The following CISD1 variants were observed in gnomAD, a reference collection of about 807,000 sequenced individuals.
The protein encoded by CISD1 is CDGSH iron-sulfur domain-containing protein 1.
In CISD1, 8 loss-of-function variants were observed where a neutral mutation model predicts 12.0. The ratio of observed to expected loss-of-function variants is 0.67; its 90% CI spans 0.39 to 1.20. The LOEUF (loss-of-function observed/expected upper bound fraction) is 1.20. CISD1 is among the 50% of genes most tolerant of loss of function. The pLI, the probability that CISD1 is intolerant of heterozygous loss-of-function variation, is 0.01. For missense variants in CISD1, 107 were observed against 132.7 expected (o/e 0.81, Z 0.95); for synonymous variants, 38 against 42.2 (o/e 0.90, Z 0.39).
At chr10:58,270,976 TC>T (rs1271430047) in intron 1 of CISD1, among the ~76,000 whole-genome samples, 1 of 151,504 alleles carries the variant, frequency 6.6e-6, no homozygotes, top group Non-Finnish European at 1.5e-5. Context: ...CCATCCTTTC[TC>T]CTTGGTCCCC....
At chr10:58,273,124 T>A (rs1193213679) in intron 1 of CISD1, among the ~76,000 whole-genome samples, 1 of 152,094 alleles carries the variant, frequency 6.6e-6, no homozygotes, top group African/African-American at 2.4e-5. Flanking sequence ...AATATATGTA[T>A]CAGGGAGTAA....
chr10:58,279,338 C>CA (rs1206205505), intron 2 of CISD1, among the ~76,000 whole-genome samples: 1 of 151,832 alleles, frequency 6.6e-6, no homozygotes, highest in Admixed American at 6.6e-5. Context: ...ATCTGAAATC[C>CA]AAAACATTTT....
chr10:58,270,386 CT>C (rs981012028), intron 1 of CISD1, among the ~76,000 whole-genome samples: 2 of 152,090 alleles, frequency 1.3e-5, no homozygotes, highest in African/African-American at 4.8e-5. Context: ...CATCTTGAGA[CT>C]TTTTTTAATA....
rs939707206 is a variant in CISD1, at chr10:58,289,013, A to T, written c.*1363A>T. 6.6e-6 allele frequency: 1 copy of T among 152,236 alleles called. No individual in the cohort carries two copies. The highest frequency in any genetic ancestry group is 1.5e-5 in the Non-Finnish European group (1 of 67,938). The allele number at this position is 152,236 out of a possible 1,614,324, so 9.4% of individuals were successfully genotyped here. ...TATGTAGTTTTGTGTATTACTGTAG[A>T]TAAAAGTTGGTAACAAAATTGTACA... On this transcript the variant is annotated 3_prime_UTR_variant, in exon 3 of 3. Coordinates refer to ENST00000333926, the MANE Select transcript of CISD1 (RefSeq NM_018464.5).
At chr10:58,279,604 TTTGAAA>T (rs1303257171) in intron 2 of CISD1, among the ~76,000 whole-genome samples, 1 of 152,190 alleles carries the variant, frequency 6.6e-6, no homozygotes, top group Non-Finnish European at 1.5e-5. Context: ...TCATTTGGAA[TTTGAAA>T]TTGTTGATAA....
At chr10:58,281,580 A>G (rs1003924807) in intron 2 of CISD1, among the ~76,000 whole-genome samples, 2 of 152,250 alleles carry the variant, frequency 1.3e-5, no homozygotes, top group African/African-American at 4.8e-5. Context: ...GTTATCACAC[A>G]GGTGCCAAGT....
At chr10:58,273,324 A>T (rs1839270250) in intron 1 of CISD1, 1 of 152,120 alleles carries the variant, frequency 6.6e-6, no homozygotes, top group Non-Finnish European at 1.5e-5. Context: ...AAAAAAAAAA[A>T]TTACCAGGCA....
chr10:58,278,607 T>G (rs1839341151), intron 2 of CISD1, among the ~76,000 whole-genome samples: 1 of 152,126 alleles, frequency 6.6e-6, no homozygotes, highest in Admixed American at 6.5e-5. Flanking sequence ...ATAAAAATGA[T>G]GTATCTGTTT....
intron 1 of CISD1, among the ~76,000 whole-genome samples, chr10:58,272,711 G>A (rs746947340): frequency 6.6e-6 from 1 of 152,200 alleles, no homozygotes; most frequent in Non-Finnish European, 1.5e-5. Flanking sequence ...GAGGTCAGGA[G>A]TTCGAGACCA....
chr10:58,287,327 C>T (rs1839439245), intron 2 of CISD1, among the ~76,000 whole-genome samples: 2 of 152,056 alleles, frequency 1.3e-5, no homozygotes, highest in South Asian at 4.1e-4. Flanking sequence ...GAAAGGCCTT[C>T]AACACTCATC....
chr10:58,269,176 G>A lies in CISD1; in HGVS notation c.-98G>A, dbSNP rs1839206362. 7.6e-7 allele frequency: 1 copy of A among 1,318,632 alleles called. No individual in the cohort carries two copies. Among genetic ancestry groups the A allele is most frequent in the South Asian group, 1.2e-5 (1 of 84,632 alleles). 81.7% of individuals were successfully genotyped at this position (1,318,632 alleles called of 1,614,324 possible). ...GCCTGCGCGGTAGCATCGCGGAGTC[G>A]GTGCTTTAGTACGCCGCTGGCACCT... On this transcript the variant is annotated 5_prime_UTR_variant, in exon 1 of 3. Coordinates refer to ENST00000333926, the MANE Select transcript of CISD1 (RefSeq NM_018464.5).
At chr10:58,287,259 A>G (rs1390137671) in intron 2 of CISD1, among the ~76,000 whole-genome samples, 1 of 152,206 alleles carries the variant, frequency 6.6e-6, no homozygotes, top group Non-Finnish European at 1.5e-5. Flanking sequence ...AACTCTTAGA[A>G]GTAAATAGGC....
chr10:58,270,121 G>A (rs1390790146), intron 1 of CISD1, among the ~76,000 whole-genome samples: 2 of 152,132 alleles, frequency 1.3e-5, no homozygotes, highest in African/African-American at 4.8e-5. Context: ...ACTTCGCAAG[G>A]TTTTGAGTAA....
chr10:58,273,632 A>G (rs1839274302), intron 1 of CISD1: 1 of 152,174 alleles, frequency 6.6e-6, no homozygotes, highest in African/African-American at 2.4e-5. Context: ...AATTTTAAAG[A>G]GAAAACCAAA....
chr10:58,284,171 C>T (rs973327234), intron 2 of CISD1, among the ~76,000 whole-genome samples: 1 of 151,852 alleles, frequency 6.6e-6, no homozygotes, highest in Non-Finnish European at 1.5e-5. Flanking sequence ...CTTGTCTCCA[C>T]AAAAAAATGC....
intron 1 of CISD1, among the ~76,000 whole-genome samples, chr10:58,272,150 C>A (rs1839256822): frequency 6.6e-6 from 1 of 151,474 alleles, no homozygotes; most frequent in Admixed American, 6.6e-5. Context: ...TCAGTGATAT[C>A]TGTTGTTCGT....
chr10:58,284,500 G>C (rs984598122), intron 2 of CISD1, among the ~76,000 whole-genome samples: 2 of 152,096 alleles, frequency 1.3e-5, no homozygotes, highest in African/African-American at 4.8e-5. Context: ...AGGCATAAAA[G>C]CTTTATACAC....
intron 2 of CISD1, among the ~76,000 whole-genome samples, chr10:58,278,997 G>A (rs775115187): frequency 6.6e-6 from 1 of 152,148 alleles, no homozygotes; most frequent in Non-Finnish European, 1.5e-5. Flanking sequence ...GGTATGTTAT[G>A]TTTTTTACTG....
At position 58,286,188 on chromosome 10, in the gene CISD1, G is replaced by C. The variant is rs1399797288; in HGVS notation, c.238-1373G>C. On this transcript the variant is annotated intron_variant, in intron 2 of 2. Coordinates refer to ENST00000333926, the MANE Select transcript of CISD1 (RefSeq NM_018464.5). ...CCACTGCATTCCAGCCTGGGCGACA[G>C]AGCAAGACTCCGTTTCAAAAAAAAA... 2.8e-5 allele frequency among the ~76,000 whole-genome samples: 4 copies of C among 143,486 alleles called. No individual in the cohort carries two copies. The East Asian group carries it at 8.1e-4, about 29-fold the overall frequency. The allele number at this position is 143,486 out of a possible 152,430, so 94.1% of individuals were successfully genotyped here.
Sources: gnomAD v4.1 joint callset for allele counts (sites outside exome capture counted in the v4.1 genomes callset) on GRCh38, gnomAD v4.1.1 for gene constraint, MANE v1.5 for transcripts, NCBI Gene and HGNC (gene_info 2026-07-23, HGNC 2026-07-21) for gene names.